Variants in CCSER1 observed in about 807,000 individuals in gnomAD.
The protein encoded by CCSER1 is coiled-coil serine rich protein 1, also known as serine-rich coiled-coil domain-containing protein 1.
Under a neutral mutation model 82.0 loss-of-function variants are expected in CCSER1, and 41 were observed. The ratio of observed to expected loss-of-function variants is 0.50; its 90% CI spans 0.39 to 0.65. CCSER1 has a LOEUF of 0.65. Among genes scored for constraint, CCSER1 ranks in the 30% least tolerant of loss-of-function variants. The pLI is 0.00. For synonymous variants in CCSER1, 414 were observed against 383.9 expected, an observed-to-expected ratio of 1.08 and a Z score of -0.92; for missense variants, 1,119 against 1,064.2, an observed-to-expected ratio of 1.05 and a Z score of -0.72.
chr4:91,599,297 G>A lies in CCSER1; in HGVS notation c.*240G>A. ...GCCTTGAAGACTTTACTATATAGGT[G>A]TATAATAAATGGGACCATCATGATC... On this transcript the variant is annotated 3_prime_UTR_variant, in exon 11 of 11. Coordinates refer to ENST00000509176, the MANE Select transcript of CCSER1 (RefSeq NM_001145065.2). 5.0e-6 allele frequency: 2 copies of A among 401,968 alleles called. No homozygotes were observed. Among genetic ancestry groups the A allele is most frequent in the Non-Finnish European group, 8.9e-6 (2 of 225,636 alleles). The allele number at this position is 401,968 out of a possible 1,614,324, so 24.9% of individuals were successfully genotyped here. A position where few individuals can be genotyped will look rare whatever the true frequency, so the allele number is the denominator to read the frequency against.
chr4:90,509,960 G>C (rs767566496), intron 5 of CCSER1, among the ~76,000 whole-genome samples: 4 of 152,140 alleles, frequency 2.6e-5, no homozygotes, highest in Non-Finnish European at 4.4e-5. Context: ...ATGGGACATA[G>C]TGATTAAATC....
At chr4:90,537,105 T>C (rs1775494773) in intron 5 of CCSER1, among the ~76,000 whole-genome samples, 1 of 152,210 alleles carries the variant, frequency 6.6e-6, no homozygotes, top group African/African-American at 2.4e-5. Flanking sequence ...AGTAATTTTC[T>C]GAGTTAATTT....
At chr4:91,337,241 G>C (rs923515266) in intron 10 of CCSER1, among the ~76,000 whole-genome samples, 5 of 152,074 alleles carry the variant, frequency 3.3e-5, no homozygotes, top group African/African-American at 1.2e-4. Context: ...ATGCAGGTTA[G>C]AATGATAATG....
In CCSER1 at chr4:90,400,958, T is replaced by C. The variant is rs200161250; in HGVS notation, c.1603+829T>C. Reference sequence around the variant, plus strand: ...TACATTTAAGAAAATCAGTCTCTTATATGGTAGTGTCTTTATTTTTAATTC... The same window carrying C: ...TACATTTAAGAAAATCAGTCTCTTACATGGTAGTGTCTTTATTTTTAATTC... On this transcript the variant is annotated intron_variant, in intron 4 of 10. Coordinates refer to ENST00000509176, the MANE Select transcript of CCSER1 (RefSeq NM_001145065.2). Among the ~76,000 whole-genome samples, 15 of 152,266 alleles carry C rather than the reference T, an allele frequency of 9.9e-5. No homozygotes were observed. The East Asian group carries it at 2.7e-3, about 27-fold the overall frequency.
intron 7 of CCSER1, among the ~76,000 whole-genome samples, chr4:90,776,138 A>T (rs1456407448): frequency 6.6e-6 from 1 of 152,154 alleles, no homozygotes; most frequent in Admixed American, 6.5e-5. Flanking sequence ...ACAACAGTAA[A>T]ACAATTGTAC....
chr4:90,683,789 T>A (rs1318297360), intron 6 of CCSER1, among the ~76,000 whole-genome samples: 6 of 151,434 alleles, frequency 4.0e-5, no homozygotes, highest in African/African-American at 7.3e-5. Context: ...TTGCTAAATT[T>A]AAAAAAAAAG....
At chr4:91,554,122 T>G (rs537139988) in intron 10 of CCSER1, among the ~76,000 whole-genome samples, 1 of 151,838 alleles carries the variant, frequency 6.6e-6, no homozygotes, top group South Asian at 2.1e-4. Context: ...TTGATTTTCC[T>G]TTTGATTTAT....
chr4:90,163,315 A>G (rs951140775), intron 1 of CCSER1, among the ~76,000 whole-genome samples: 4 of 152,092 alleles, frequency 2.6e-5, no homozygotes, highest in African/African-American at 9.7e-5. Flanking sequence ...CAGATAGCTT[A>G]TGTAGAAATA....
chr4:91,394,780 C>T (rs1418720085), intron 10 of CCSER1, among the ~76,000 whole-genome samples: 1 of 150,950 alleles, frequency 6.6e-6, no homozygotes, highest in Admixed American at 6.6e-5. Context: ...TAACATATAA[C>T]AAAAAACCTT....
rs541324985 is a variant in CCSER1, at chr4:90,480,756, T to C, written c.1724+12402T>C. ...GTCTATATCTCTGTTTTGGTACCAG[T>C]ACCATGCTGTTTTGGTTACTGTAGC... is the stretch of plus-strand genomic sequence containing the variant. On this transcript the variant is annotated intron_variant, in intron 5 of 10. Transcript: ENST00000509176. Among the ~76,000 whole-genome samples the C allele has an allele frequency of 7.9e-5, 12 of 152,292 alleles. No homozygotes were observed. In the South Asian group the frequency reaches 2.3e-3, roughly 29 times the overall value.
chr4:91,247,170 T>C (rs939037469), intron 10 of CCSER1, among the ~76,000 whole-genome samples: 3 of 151,642 alleles, frequency 2.0e-5, no homozygotes, highest in Non-Finnish European at 2.9e-5. Context: ...GGTGTGGTGG[T>C]GGGCGCCTGT....
chr4:90,856,794 A>G (rs182391822), intron 8 of CCSER1, among the ~76,000 whole-genome samples: 6 of 152,254 alleles, frequency 3.9e-5, no homozygotes, highest in African/African-American at 1.2e-4. Context: ...TAAATGAAAT[A>G]TATATCAAAA....
chr4:91,438,746 A>G (rs1277153642), intron 10 of CCSER1, among the ~76,000 whole-genome samples: 2 of 152,208 alleles, frequency 1.3e-5, no homozygotes, highest in Non-Finnish European at 2.9e-5. Context: ...AAATTTAGAC[A>G]AATGTATAAC....
At chr4:90,413,818 G>T (rs1009478938) in intron 4 of CCSER1, among the ~76,000 whole-genome samples, 6 of 149,032 alleles carry the variant, frequency 4.0e-5, no homozygotes, top group Admixed American at 1.3e-4. Flanking sequence ...GCGTAGTGGC[G>T]GGCGCCTGTA....
At chr4:90,265,562 G>T (rs1339611931) in intron 1 of CCSER1, among the ~76,000 whole-genome samples, 1 of 151,752 alleles carries the variant, frequency 6.6e-6, no homozygotes, top group Non-Finnish European at 1.5e-5. Context: ...AAATGCCAAT[G>T]AAATAAGCTA....
At chr4:91,109,099 C>G (rs1308057657) in intron 10 of CCSER1, among the ~76,000 whole-genome samples, 1 of 152,126 alleles carries the variant, frequency 6.6e-6, no homozygotes, top group East Asian at 1.9e-4. Context: ...AGCAACACCC[C>G]CACCCCATTC....
intron 1 of CCSER1, among the ~76,000 whole-genome samples, chr4:90,296,905 A>G (rs1732069996): frequency 1.3e-5 from 2 of 152,108 alleles, no homozygotes; most frequent in South Asian, 4.1e-4. Flanking sequence ...GCCTTGTAGT[A>G]TAGTTTGAAG....
At chr4:90,940,054 A>T (rs1210205052) in intron 9 of CCSER1, among the ~76,000 whole-genome samples, 1 of 152,168 alleles carries the variant, frequency 6.6e-6, no homozygotes, top group Non-Finnish European at 1.5e-5. Context: ...TCAATACTGT[A>T]TTATCTTGAA....
intron 5 of CCSER1, among the ~76,000 whole-genome samples, chr4:90,488,974 A>C (rs568856738): frequency 6.6e-6 from 1 of 152,246 alleles, no homozygotes; most frequent in Non-Finnish European, 1.5e-5. Flanking sequence ...ATTGTATGGA[A>C]AATTTTACTT....
Sources: gnomAD v4.1 joint callset for allele counts (sites outside exome capture counted in the v4.1 genomes callset) on GRCh38, gnomAD v4.1.1 for gene constraint, MANE v1.5 for transcripts, NCBI Gene and HGNC (gene_info 2026-07-23, HGNC 2026-07-21) for gene names.